Variants in LIPA observed in about 807,000 individuals in gnomAD.
The protein encoded by LIPA is lipase A, lysosomal acid type.
A neutral mutation model predicts 40.6 loss-of-function variants in LIPA; 26 were observed. The ratio of observed to expected loss-of-function variants is 0.64; its 90% CI spans 0.47 to 0.89. The LOEUF is 0.89. LIPA is among the 40% of genes least tolerant of loss of function. LIPA has a pLI of 0.00. For synonymous variants in LIPA, 188 were observed against 168.4 expected, an observed-to-expected ratio of 1.12 and a Z score of -0.90; for missense variants, 455 against 479.6, an observed-to-expected ratio of 0.95 and a Z score of 0.48.
In LIPA at chr10:89,214,188, A is replaced by G. The variant is rs990891613; in HGVS notation, c.*640T>C. The G allele has an allele frequency of 3.9e-5, 6 of 152,332 alleles. No individual in the cohort carries two copies. Among genetic ancestry groups the G allele is most frequent in the African/African-American group, 1.4e-4 (6 of 41,458 alleles). 9.4% of individuals were successfully genotyped at this position (152,332 alleles called of 1,614,324 possible). A position where few individuals can be genotyped will look rare whatever the true frequency, so the allele number is the denominator to read the frequency against. On this transcript the variant is annotated 3_prime_UTR_variant, in exon 10 of 10. Coordinates refer to ENST00000336233, the MANE Select transcript of LIPA (RefSeq NM_000235.4). ...GCAATTTGTTTTTGAAGACGCCGGA[A>G]AACTATTTCATTTAACCTGAGCAAT...
At chr10:89,369,185 A>T (rs543402060) in intron 2 of LIPA, among the ~76,000 whole-genome samples, 3 of 152,328 alleles carry the variant, frequency 2.0e-5, no homozygotes, top group African/African-American at 7.2e-5. Flanking sequence ...CTTCTTGTAC[A>T]TACAAAAGAA....
chr10:89,237,835 G>T lies in LIPA; in HGVS notation c.229+7841C>A, dbSNP rs188400355. ...GAACCCCATGAATTCAATACCAAAGGCATCGAAGTGGTCTACTTGCCCCCA... is the reference window on the plus strand; with the variant it reads ...GAACCCCATGAATTCAATACCAAAGTCATCGAAGTGGTCTACTTGCCCCCA... On this transcript the variant is annotated intron_variant, in intron 3 of 9. Coordinates refer to ENST00000336233, the MANE Select transcript of LIPA (RefSeq NM_000235.4). 2.6e-5 allele frequency among the ~76,000 whole-genome samples: 4 copies of T among 152,226 alleles called. No homozygotes were observed. In the East Asian group the frequency reaches 7.7e-4, roughly 29 times the overall value.
chr10:89,264,177 T>C (rs991697618), intron 1 of LIPA, among the ~76,000 whole-genome samples: 4 of 152,146 alleles, frequency 2.6e-5, no homozygotes, highest in African/African-American at 4.8e-5. Context: ...GGTAGGGGCA[T>C]GTTTCAGCCC....
chr10:89,244,790 G>C (rs1843004177), intron 3 of LIPA, among the ~76,000 whole-genome samples: 1 of 152,050 alleles, frequency 6.6e-6, no homozygotes, highest in Non-Finnish European at 1.5e-5. Flanking sequence ...TTAAGCCAAA[G>C]CTACAAGAAC....
chr10:89,412,904 C>A (rs930068606), exon 2 of LIPA: 19 of 262,688 alleles, frequency 7.2e-5, no homozygotes, highest in African/African-American at 4.4e-4. Context: ...TTCTTGAAGT[C>A]ACCAAGACCA....
chr10:89,302,346 C>G (rs1039359041), intron 1 of LIPA, among the ~76,000 whole-genome samples: 7 of 152,122 alleles, frequency 4.6e-5, no homozygotes, highest in African/African-American at 1.7e-4. Context: ...TTCCTAAATT[C>G]ATCTCCAGAA....
At chr10:89,278,289 T>G (rs559924107) in intron 1 of LIPA, 16 of 152,316 alleles carry the variant, frequency 1.1e-4, no homozygotes, top group African/African-American at 3.8e-4. Flanking sequence ...CTGGATTGGC[T>G]CCAAGAGAAA....
intron 1 of LIPA, among the ~76,000 whole-genome samples, chr10:89,260,536 G>T (rs1445258356): frequency 6.6e-6 from 1 of 152,172 alleles, no homozygotes; most frequent in Non-Finnish European, 1.5e-5. Context: ...TTGCCAGCAG[G>T]GGGCAGCAGT....
chr10:89,241,236 T>A (rs1173336284), intron 3 of LIPA, among the ~76,000 whole-genome samples: 1 of 152,170 alleles, frequency 6.6e-6, no homozygotes, highest in African/African-American at 2.4e-5. Flanking sequence ...CCTGGGTCTA[T>A]GAGATAAGCT....
intron 2 of LIPA, chr10:89,392,658 A>G (rs1844273473): frequency 1.2e-6 from 2 of 1,600,478 alleles, no homozygotes; most frequent in African/African-American, 1.3e-5. Flanking sequence ...GCCAGATCTC[A>G]GAGGAGCCTG....
chr10:89,405,969 C>A (rs1305399306), intron 2 of LIPA: 1 of 152,118 alleles, frequency 6.6e-6, no homozygotes, highest in Non-Finnish European at 1.5e-5. Context: ...CATTTTGCTT[C>A]AATTATTTAA....
intron 1 of LIPA, chr10:89,412,939 C>T (rs1841486889): frequency 4.1e-6 from 1 of 243,232 alleles, no homozygotes; most frequent in Non-Finnish European, 8.5e-6. Context: ...GGAACCAATT[C>T]CGGACACACC....
chr10:89,270,805 T>C (rs1843261655), intron 1 of LIPA, among the ~76,000 whole-genome samples: 1 of 152,226 alleles, frequency 6.6e-6, no homozygotes. Context: ...GGAGGCTCTA[T>C]GGCACCTTTA....
intron 3 of LIPA, among the ~76,000 whole-genome samples, chr10:89,233,431 G>C (rs936040790): frequency 6.6e-6 from 1 of 152,222 alleles, no homozygotes; most frequent in Admixed American, 6.5e-5. Flanking sequence ...CCACATTCAG[G>C]TGAAAAGTTT....
At chr10:89,343,573 G>A (rs560017156), upstream of LIPA, among the ~76,000 whole-genome samples, 4 of 152,258 alleles carry the variant, frequency 2.6e-5, no homozygotes, top group African/African-American at 7.2e-5. Flanking sequence ...ATCTTTCTTC[G>A]GAGGCCCTTC....
At chr10:89,374,119 C>A (rs1309422663) in intron 2 of LIPA, among the ~76,000 whole-genome samples, 2 of 152,122 alleles carry the variant, frequency 1.3e-5, no homozygotes, top group Non-Finnish European at 2.9e-5. Flanking sequence ...CAAGGCCAAC[C>A]TTTTTCTATA....
At chr10:89,350,617 T>G (rs1843953544) in intron 2 of LIPA, among the ~76,000 whole-genome samples, 2 of 151,768 alleles carry the variant, frequency 1.3e-5, no homozygotes, top group African/African-American at 2.4e-5. Context: ...AAGTTACCTT[T>G]TAAGCATTTC....
At chr10:89,396,373 G>T (rs756511185) in intron 2 of LIPA, among the ~76,000 whole-genome samples, 1 of 152,182 alleles carries the variant, frequency 6.6e-6, no homozygotes, top group African/African-American at 2.4e-5. Context: ...AAGAAGTATG[G>T]TGCTGGCATC....
chr10:89,369,141 TG>T (rs1469845301), intron 2 of LIPA, among the ~76,000 whole-genome samples: 2 of 152,192 alleles, frequency 1.3e-5, no homozygotes, highest in Non-Finnish European at 2.9e-5. Context: ...TAGAATAACT[TG>T]TACACACAAC....
Sources: gnomAD v4.1 joint callset for allele counts (sites outside exome capture counted in the v4.1 genomes callset) on GRCh38, gnomAD v4.1.1 for gene constraint, MANE v1.5 for transcripts, NCBI Gene and HGNC (gene_info 2026-07-23, HGNC 2026-07-21) for gene names.